The following AMOTL1 variants were observed in gnomAD, a reference collection of about 807,000 sequenced individuals.
AMOTL1 encodes the protein angiomotin-like protein 1.
Under a neutral mutation model 102.9 loss-of-function variants are expected in AMOTL1, and 45 were observed. The ratio of observed to expected loss-of-function variants is 0.44; its 90% CI spans 0.34 to 0.56. The LOEUF is 0.56. Ranked by LOEUF, AMOTL1 falls within the 20% of genes least tolerant of loss-of-function variation. AMOTL1 has a pLI of 0.01. For synonymous variants in AMOTL1, 481 were observed against 484.7 expected, an observed-to-expected ratio of 0.99 and a Z score of 0.10; for missense variants, 1,114 against 1,225.6, an observed-to-expected ratio of 0.91 and a Z score of 1.36.
At chr11:94,866,850 G>T (rs1592051158) in intron 11 of AMOTL1, 1 of 152,782 alleles carries the variant, frequency 6.5e-6, no homozygotes, top group Non-Finnish European at 1.5e-5. Context: ...AGTTTTTGCT[G>T]TATTGTTGTT....
chr11:94,806,214 T>C (rs1951565628), intron 3 of AMOTL1, among the ~76,000 whole-genome samples: 1 of 152,228 alleles, frequency 6.6e-6, no homozygotes, highest in Non-Finnish European at 1.5e-5. Context: ...AGCCCAGCAG[T>C]GCAGCAAGTC....
At chr11:94,794,979 C>T (rs1383257671) in intron 1 of AMOTL1, 32 bp from the exon 2 acceptor site, 1 of 1,575,204 alleles carries the variant, frequency 6.3e-7, no homozygotes. Context: ...ACTTGATGGG[C>T]ACTCATATTC....
intron 3 of AMOTL1, among the ~76,000 whole-genome samples, chr11:94,810,496 C>CAAAAAAAAAAAA (rs5793699): frequency 7.5e-6 from 1 of 133,526 alleles, no homozygotes; most frequent in Non-Finnish European, 1.6e-5. Context: ...TATTTTAGTC[C>CAAAAAAAAAAAA]AAAAAAAAAA....
chr11:94,708,428 G>A (rs750271167), intron 1 of AMOTL1, among the ~76,000 whole-genome samples: 4 of 152,152 alleles, frequency 2.6e-5, no homozygotes, highest in Admixed American at 6.5e-5. Context: ...GTCTTCATTT[G>A]AATCCCAGCT....
At chr11:94,738,117 G>A (rs1475302828) in intron 2 of AMOTL1, among the ~76,000 whole-genome samples, 1 of 152,200 alleles carries the variant, frequency 6.6e-6, no homozygotes, top group African/African-American at 2.4e-5. Flanking sequence ...GGCCATAATG[G>A]CCTTAGATGA....
intron 3 of AMOTL1, among the ~76,000 whole-genome samples, chr11:94,757,421 G>C (rs974752688): frequency 3.9e-5 from 6 of 152,164 alleles, no homozygotes; most frequent in Admixed American, 6.5e-5. Flanking sequence ...AGTGGCAGAG[G>C]AGGGGTGATT....
intron 11 of AMOTL1, among the ~76,000 whole-genome samples, chr11:94,868,565 T>C (rs573016935): frequency 6.6e-6 from 1 of 152,296 alleles, no homozygotes; most frequent in Non-Finnish European, 1.5e-5. Flanking sequence ...TCTGGGAGGC[T>C]ACAGTTCCAC....
chr11:94,746,007 T>C (rs759620448), intron 3 of AMOTL1, among the ~76,000 whole-genome samples: 26 of 152,220 alleles, frequency 1.7e-4, no homozygotes, highest in Admixed American at 3.3e-4. Context: ...ACTACTTTTT[T>C]GCCTCATGAT....
chr11:94,837,110 A>C (rs1215142483), intron 6 of AMOTL1, among the ~76,000 whole-genome samples: 1 of 152,216 alleles, frequency 6.6e-6, no homozygotes, highest in Non-Finnish European at 1.5e-5. Context: ...TGACCCTTAC[A>C]TGTAGTAGGA....
intron 6 of AMOTL1, 68 bp from the exon 7 acceptor site, chr11:94,850,046 G>A (rs549810663): frequency 9.5e-6 from 14 of 1,474,204 alleles, no homozygotes; most frequent in Admixed American, 7.2e-5. Flanking sequence ...GCCAGATGTC[G>A]ACTGGCCGTG....
Position 94,824,435 on chromosome 11 carries a change from G to T in AMOTL1, c.1413+2614G>T, listed in dbSNP as rs1339645641. 3.3e-5 allele frequency among the ~76,000 whole-genome samples: 5 copies of T among 152,262 alleles called. No homozygotes were observed. The South Asian group carries it at 8.3e-4, about 25-fold the overall frequency. Reference sequence around the variant, plus strand: ...AGGACTTACTGTACTACATTAATCTGTCATATGTAAAACCAGAATTATTGA... The same window carrying T: ...AGGACTTACTGTACTACATTAATCTTTCATATGTAAAACCAGAATTATTGA... On this transcript the variant is annotated intron_variant, in intron 4 of 12. Transcript: ENST00000433060.
intron 6 of AMOTL1, among the ~76,000 whole-genome samples, chr11:94,841,212 G>A (rs1245291099): frequency 2.0e-5 from 3 of 152,078 alleles, no homozygotes; most frequent in Non-Finnish European, 2.9e-5. Context: ...AGGCTGAGGC[G>A]GGCTGATTAC....
At chr11:94,768,354 G>A (rs1219041243), upstream of AMOTL1, 3 of 1,379,380 alleles carry the variant, frequency 2.2e-6, no homozygotes, top group Non-Finnish European at 2.8e-6. Flanking sequence ...GACGGCGGCG[G>A]GAGCGCGCGA....
At chr11:94,775,454 C>T (rs1401706456) in intron 1 of AMOTL1, among the ~76,000 whole-genome samples, 1 of 151,850 alleles carries the variant, frequency 6.6e-6, no homozygotes, top group African/African-American at 2.4e-5. Flanking sequence ...AGAGATTCAG[C>T]TTCCTCAGAG....
At chr11:94,769,756 C>T (rs1289887931) in intron 1 of AMOTL1, among the ~76,000 whole-genome samples, 1 of 152,132 alleles carries the variant, frequency 6.6e-6, no homozygotes, top group Non-Finnish European at 1.5e-5. Flanking sequence ...ATTTTGTCCC[C>T]ATGGTCCCTC....
intron 4 of AMOTL1, among the ~76,000 whole-genome samples, chr11:94,825,375 G>A (rs756465782): frequency 6.6e-6 from 1 of 152,186 alleles, no homozygotes. Context: ...ACGTGAAGGT[G>A]CTCAGGGGAA....
intron 3 of AMOTL1, among the ~76,000 whole-genome samples, chr11:94,760,105 A>G (rs1950774073): frequency 6.6e-6 from 1 of 152,258 alleles, no homozygotes; most frequent in African/African-American, 2.4e-5. Context: ...CCCTAATGGC[A>G]CTGAAGATTC....
At chr11:94,741,501 C>T (rs1370355949) in intron 3 of AMOTL1, among the ~76,000 whole-genome samples, 1 of 152,156 alleles carries the variant, frequency 6.6e-6, no homozygotes, top group Non-Finnish European at 1.5e-5. Flanking sequence ...AGCTGCTTCC[C>T]TCCCTGATTT....
At position 94,740,815 on chromosome 11, in the gene AMOTL1, T is replaced by C. The variant is rs931294235; in HGVS notation, c.86-123T>C. 1.2e-5 allele frequency: 9 copies of C among 739,132 alleles called. No individual in the cohort carries two copies. The African/African-American group carries it at 1.6e-4, about 13-fold the overall frequency. The allele number at this position is 739,132 out of a possible 1,614,324, so 45.8% of individuals were successfully genotyped here. On this transcript the variant is annotated intron_variant, in intron 2 of 4. Coordinates refer to the AMOTL1 transcript ENST00000299004. ...TCCCGCGGGGCCTCCGGCTCAGGGA[T>C]TCTGAGCGCTGGGAGAGAGAAGCCC...
Sources: gnomAD v4.1 joint callset for allele counts (sites outside exome capture counted in the v4.1 genomes callset) on GRCh38, gnomAD v4.1.1 for gene constraint, MANE v1.5 for transcripts, NCBI Gene and HGNC (gene_info 2026-07-23, HGNC 2026-07-21) for gene names.